SNX32: variants seen among roughly 807,000 people sequenced by gnomAD.
SNX32 encodes the protein sorting nexin 32.
A neutral mutation model predicts 57.0 loss-of-function variants in SNX32; 58 were observed. That is an observed-to-expected ratio of 1.02 (90% CI 0.82 to 1.27). SNX32 has a LOEUF of 1.27. SNX32 is among the 50% of genes most tolerant of loss of function. The pLI is 0.00. For missense variants in SNX32, 589 were observed against 541.2 expected (o/e 1.09, Z -0.88); for synonymous variants, 262 against 220.4 (o/e 1.19, Z -1.67).
intron 1 of SNX32, among the ~76,000 whole-genome samples, chr11:65,848,719 G>A (rs79212328): frequency 6.6e-6 from 1 of 152,188 alleles, no homozygotes; most frequent in South Asian, 2.1e-4. Flanking sequence ...AATGGTTTTG[G>A]CAACCCCCGC....
At chr11:65,851,964 A>C (rs973668190) in intron 9 of SNX32, among the ~76,000 whole-genome samples, 1 of 152,118 alleles carries the variant, frequency 6.6e-6, no homozygotes, top group East Asian at 1.9e-4. Flanking sequence ...GGCAGGCTGC[A>C]CCCAGCTGCC....
chr11:65,851,414 C>T lies in SNX32; in HGVS notation c.785+11C>T, dbSNP rs1354532802. On this transcript the variant is annotated intron_variant, in intron 8 of 12. Coordinates refer to ENST00000308342, the MANE Select transcript of SNX32 (RefSeq NM_152760.3). ...CAACCAGCTAAGGACGTGAGGACTC[C>T]CCCCACCCCTACCCTCTCCCTGTGC... The T allele has an allele frequency of 1.9e-6, 3 of 1,613,544 alleles. No homozygotes were observed. Among genetic ancestry groups the T allele is most frequent in the Non-Finnish European group, 1.7e-6 (2 of 1,179,642 alleles).
chr11:65,847,407 C>T (rs930513328), intron 1 of SNX32, among the ~76,000 whole-genome samples: 2 of 152,068 alleles, frequency 1.3e-5, no homozygotes, highest in South Asian at 4.1e-4. Context: ...CAGCTCATCA[C>T]GGAGGCTGCG....
At chr11:65,834,126 C>T in intron 1 of SNX32, 25 bp downstream of exon 1, 5 of 1,549,726 alleles carry the variant, frequency 3.2e-6, no homozygotes, top group Non-Finnish European at 4.4e-6. Context: ...AAGACCCCCA[C>T]CCCAGCCTCC....
chr11:65,852,795 C>A lies in SNX32; in HGVS notation c.1072+6C>A, dbSNP rs556990632. 6 of 1,609,996 alleles carry A rather than the reference C, an allele frequency of 3.7e-6. No individual in the cohort carries two copies. In the Admixed American group the frequency reaches 1.0e-4, roughly 27 times the overall value. ...CTCCGACTCCGCCAAGCAAGGTGAG[C>A]CCGCAGCCCCCAGCCCCAGCCTGGG... On this transcript the variant is annotated splice_donor_region_variant and intron_variant, in intron 11 of 12. Transcript: ENST00000308342.
At position 65,849,912 on chromosome 11, in the gene SNX32, G is replaced by A. The variant is rs370219863; in HGVS notation, c.142-8G>A. On this transcript the variant is annotated splice_region_variant and splice_polypyrimidine_tract_variant and intron_variant, in intron 2 of 12. Transcript: ENST00000308342. ...AGAGAGGACCTCAGTTGGCCTTCCC[G>A]CTTCCAGAGCTGCCTCCCTCACTTC... 1.7e-5 allele frequency: 26 copies of A among 1,553,618 alleles called. No homozygotes were observed. The highest frequency in any genetic ancestry group is 4.1e-5 in the African/African-American group (3 of 73,458).
Position 65,853,346 on chromosome 11 carries a change from G to A in SNX32, c.*11G>A, listed in dbSNP as rs914553414. 1.2e-6 allele frequency: 2 copies of A among 1,613,754 alleles called. No individual in the cohort carries two copies. Among genetic ancestry groups the A allele is most frequent in the Non-Finnish European group, 1.7e-6 (2 of 1,179,890 alleles). On this transcript the variant is annotated 3_prime_UTR_variant, in exon 13 of 13. Coordinates refer to ENST00000308342, the MANE Select transcript of SNX32 (RefSeq NM_152760.3). ...AAGGGGGAGCCTTAGAGTAGCCAGA[G>A]CTCAGCCAGACCCTAATCTGGGATC...
chr11:65,851,333 G>C lies in SNX32; in HGVS notation c.715G>C (p.Ala239Pro), dbSNP rs777007797. 10 of 1,614,000 alleles carry C rather than the reference G, an allele frequency of 6.2e-6. No homozygotes were observed. Among genetic ancestry groups the C allele is most frequent in the African/African-American group, 2.7e-5 (2 of 74,926 alleles). ...DRVMRAHKCL[A>P]DDYIPISAAL... ...TGGGGGCTGTTCCCCAACAGGCCTG[G>C]CAGACGATTATATCCCTATCTCAGC... is the stretch of plus-strand genomic sequence containing the variant. Residue 239 changes from alanine to proline, a missense_variant, in exon 8 of 13, where the codon GCA becomes CCA. Coordinates refer to ENST00000308342, the MANE Select transcript of SNX32 (RefSeq NM_152760.3).
chr11:65,844,445 A>C (rs1003039816), intron 1 of SNX32, among the ~76,000 whole-genome samples: 6 of 152,124 alleles, frequency 3.9e-5, no homozygotes, highest in Non-Finnish European at 7.4e-5. Context: ...TTTAAAAAAA[A>C]AAAAATAATA....
At chr11:65,839,470 C>A (rs1161296363) in intron 1 of SNX32, among the ~76,000 whole-genome samples, 1 of 146,834 alleles carries the variant, frequency 6.8e-6, no homozygotes, top group Admixed American at 6.8e-5. Flanking sequence ...ACCTCGTGAT[C>A]CGCCCGCCTC....
intron 1 of SNX32, among the ~76,000 whole-genome samples, chr11:65,842,505 T>C (rs1434243451): frequency 1.3e-5 from 2 of 151,338 alleles, no homozygotes; most frequent in African/African-American, 4.9e-5. Context: ...ACAAAAAAAT[T>C]AGCTGGGCCT....
rs991826119 is a variant in SNX32 at position 65,850,417 on chromosome 11, T to A, written c.375-14T>A. ...GGGCTGAGGAGGGCCGGTGAGCTGC[T>A]GCCACTCTCGCAGGGAGTACCTGGC... On this transcript the variant is annotated splice_polypyrimidine_tract_variant and intron_variant, in intron 4 of 12. Coordinates refer to ENST00000308342, the MANE Select transcript of SNX32 (RefSeq NM_152760.3). The A allele has an allele frequency of 6.8e-6, 11 of 1,613,808 alleles. No individual in the cohort carries two copies. The highest frequency in any genetic ancestry group is 7.6e-6 in the Non-Finnish European group (9 of 1,179,820).
intron 1 of SNX32, among the ~76,000 whole-genome samples, chr11:65,839,223 G>GTTTTTTGTTTTTTTT (rs755185237): frequency 4.3e-5 from 1 of 23,078 alleles, no homozygotes. Flanking sequence ...TAATTTTTTT[G>GTTTTTTGTTTTTTTT]TATTTTTTTT....
At chr11:65,850,087 C>G (rs746215284) in intron 3 of SNX32, 57 bp downstream of exon 3, 6 of 1,614,194 alleles carry the variant, frequency 3.7e-6, no homozygotes, top group Non-Finnish European at 5.1e-6. Flanking sequence ...GGGTGAGGAC[C>G]AAAGGCTGTG....
At position 65,849,853 on chromosome 11, in the gene SNX32, A is replaced by G. The variant is rs654638; in HGVS notation, c.142-67A>G. 257,552 of 1,326,702 alleles carry G rather than the reference A, an allele frequency of 0.19. 26,906 individuals are homozygous for G. Among genetic ancestry groups the G allele is most frequent in the South Asian group, 0.26 (18,652 of 70,866 alleles). The allele number at this position is 1,326,702 out of a possible 1,614,324, so 82.2% of individuals were successfully genotyped here. A position where few individuals can be genotyped will look rare whatever the true frequency, so the allele number is the denominator to read the frequency against. Reference sequence around the variant, plus strand: ...TGGGATGAGGGGGGCCCAAAAGTGCATGCCCAGACTTGCTGAGGCAGGGCT... The same window carrying G: ...TGGGATGAGGGGGGCCCAAAAGTGCGTGCCCAGACTTGCTGAGGCAGGGCT... On this transcript the variant is annotated intron_variant, in intron 2 of 12. Transcript: ENST00000308342.
chr11:65,837,796 G>C (rs1858708328), intron 1 of SNX32, among the ~76,000 whole-genome samples: 1 of 120,710 alleles, frequency 8.3e-6, no homozygotes, highest in Non-Finnish European at 1.6e-5. Context: ...CTCCATCCTG[G>C]GCAACAGGGC....
At chr11:65,847,014 GT>G (rs35264328) in intron 1 of SNX32, among the ~76,000 whole-genome samples, 21 of 142,440 alleles carry the variant, frequency 1.5e-4, no homozygotes, top group African/African-American at 4.9e-4. Flanking sequence ...AGTTTTTTTT[GT>G]TTTTTTTTTT....
intron 1 of SNX32, among the ~76,000 whole-genome samples, chr11:65,842,415 G>C (rs1565247791): frequency 6.6e-6 from 1 of 152,190 alleles, no homozygotes; most frequent in Non-Finnish European, 1.5e-5. Flanking sequence ...TTAGGAGGCC[G>C]AGGCTCAGGT....
chr11:65,844,788 G>A (rs574034600), intron 1 of SNX32, among the ~76,000 whole-genome samples: 9 of 151,672 alleles, frequency 5.9e-5, no homozygotes, highest in Non-Finnish European at 1.0e-4. Flanking sequence ...CCAACATGGC[G>A]AAACCCCATC....
Sources: allele counts gnomAD v4.1 joint callset (sites outside exome capture counted in the v4.1 genomes callset), GRCh38; gene constraint gnomAD v4.1.1; transcripts MANE v1.5; gene names NCBI Gene and HGNC (gene_info 2026-07-23, HGNC 2026-07-21).